SERPINB13: variants seen among roughly 807,000 people sequenced by gnomAD.
SERPINB13 encodes serpin B13.
Under a neutral mutation model 31.2 loss-of-function variants are expected in SERPINB13, and 26 were observed. The ratio of observed to expected loss-of-function variants is 0.83; its 90% CI spans 0.61 to 1.15. SERPINB13 has a LOEUF of 1.15. Among genes scored for constraint, SERPINB13 ranks in the 50% most tolerant of loss-of-function variants. The probability of loss-of-function intolerance (pLI) is 0.00; values close to 1 mark genes in which losing one functional copy is unlikely to be tolerated. For missense variants in SERPINB13, 510 were observed against 469.4 expected (o/e 1.09, Z -0.80); for synonymous variants, 191 against 172.4 (o/e 1.11, Z -0.85).
At chr18:63,591,727 A>G (rs1255200155) in intron 3 of SERPINB13, among the ~76,000 whole-genome samples, 1 of 151,974 alleles carries the variant, frequency 6.6e-6, no homozygotes, top group Non-Finnish European at 1.5e-5. Context: ...ATATATTAAT[A>G]TGTAATTAAT....
chr18:63,597,634 A>G lies in SERPINB13; in HGVS notation c.*271A>G, dbSNP rs2144417978. On this transcript the variant is annotated 3_prime_UTR_variant, in exon 8 of 8. Transcript: ENST00000344731. ...TGGTTTCCTTTGAAAGTAAATTGGT[A>G]TCTTGTAGTTTTGTGCACACGAAAG... The G allele has an allele frequency of 2.7e-6, 1 of 371,590 alleles. No homozygotes were observed. The highest frequency in any genetic ancestry group is 4.9e-6 in the Non-Finnish European group (1 of 204,588). The allele number at this position is 371,590 out of a possible 1,614,324, so 23.0% of individuals were successfully genotyped here. A position where few individuals can be genotyped will look rare whatever the true frequency, so the allele number is the denominator to read the frequency against.
chr18:63,594,636 C>T (rs957671700), intron 6 of SERPINB13, 139 bp downstream of exon 6: 27 of 863,508 alleles, frequency 3.1e-5, no homozygotes, highest in Admixed American at 5.2e-5. Flanking sequence ...ATCAAGGGAT[C>T]GAGACTATCC....
chr18:63,591,681 AT>A (rs1426082783), intron 3 of SERPINB13, among the ~76,000 whole-genome samples: 1 of 151,946 alleles, frequency 6.6e-6, no homozygotes, highest in East Asian at 1.9e-4. Flanking sequence ...CAAAATATTA[AT>A]TTTCATGTAT....
rs754016135 is a variant in SERPINB13, at chr18:63,587,402, T to A, written c.-66T>A. The A allele has an allele frequency of 2.1e-6, 1 of 470,940 alleles. No homozygotes were observed. Among genetic ancestry groups the A allele is most frequent in the Non-Finnish European group, 4.4e-6 (1 of 226,958 alleles). 29.2% of individuals were successfully genotyped at this position (470,940 alleles called of 1,614,324 possible). A position where few individuals can be genotyped will look rare whatever the true frequency, so the allele number is the denominator to read the frequency against. On this transcript the variant is annotated 5_prime_UTR_variant, in exon 1 of 8. An upstream start codon of the reference 5' UTR is lost. Transcript: ENST00000344731. Reference sequence around the variant, plus strand: ...GGATCCCAGCTACTTAATTGACTTATGCTTCCTAGTTCGTTGCCCAGCCAC... The same window carrying A: ...GGATCCCAGCTACTTAATTGACTTAAGCTTCCTAGTTCGTTGCCCAGCCAC...
intron 4 of SERPINB13, among the ~76,000 whole-genome samples, 184 bp downstream of exon 4, chr18:63,592,660 C>T (rs1423937388): frequency 6.6e-6 from 1 of 152,148 alleles, no homozygotes; most frequent in Non-Finnish European, 1.5e-5. Context: ...GCAATCTGAA[C>T]CTGATTTTTG....
Position 63,598,671 on chromosome 18 carries a change from T to A in SERPINB13, c.*1308T>A, listed in dbSNP as rs1185103699. 6.6e-6 allele frequency: 1 copy of A among 152,172 alleles called. No homozygotes were observed. Among genetic ancestry groups the A allele is most frequent in the African/African-American group, 2.4e-5 (1 of 41,442 alleles). The allele number at this position is 152,172 out of a possible 1,614,324, so 9.4% of individuals were successfully genotyped here. A position where few individuals can be genotyped will look rare whatever the true frequency, so the allele number is the denominator to read the frequency against. ...TCTAGGTTCACCAGTTGAGGGACAT[T>A]TGGATTGTTCCCACTTCTTGGCTGT... On this transcript the variant is annotated 3_prime_UTR_variant, in exon 8 of 8. Transcript: ENST00000344731.
intron 7 of SERPINB13, among the ~76,000 whole-genome samples, chr18:63,595,640 CTGTA>C (rs1912119397): frequency 6.6e-6 from 1 of 152,160 alleles, no homozygotes; most frequent in Non-Finnish European, 1.5e-5. Context: ...TGGCTCACGC[CTGTA>C]ATCCCAGCAC....
At chr18:63,593,314 G>T (rs1911968114) in intron 5 of SERPINB13, among the ~76,000 whole-genome samples, 1 of 152,130 alleles carries the variant, frequency 6.6e-6, no homozygotes, top group African/African-American at 2.4e-5. Flanking sequence ...ATATCTTGGG[G>T]GTCCTGAAAA....
At chr18:63,590,332 T>C (rs1911780307) in intron 3 of SERPINB13, among the ~76,000 whole-genome samples, 1 of 152,128 alleles carries the variant, frequency 6.6e-6, no homozygotes, top group South Asian at 2.1e-4. Flanking sequence ...AATAAGCCCA[T>C]TAGGTCGGGG....
Position 63,597,501 on chromosome 18 carries a change from A to G in SERPINB13, c.*138A>G, listed in dbSNP as rs886948090. The G allele has an allele frequency of 3.4e-6, 3 of 878,286 alleles. No homozygotes were observed. The highest frequency in any genetic ancestry group is 3.4e-5 in the African/African-American group (2 of 59,338). 54.4% of individuals were successfully genotyped at this position (878,286 alleles called of 1,614,324 possible). On this transcript the variant is annotated 3_prime_UTR_variant, in exon 8 of 8. Transcript: ENST00000344731. ...TCTTGGCCATCAAATCAATGATTTA[A>G]TGACTCCAATAATGTGTGTGTTTAT...
rs1404062672 is a variant in SERPINB13, at chr18:63,592,410, C to G, written c.288C>G (p.Leu96=). The G allele has an allele frequency of 1.9e-6, 3 of 1,613,382 alleles. No individual in the cohort carries two copies. Among genetic ancestry groups the G allele is most frequent in the East Asian group, 4.5e-5 (2 of 44,844 alleles). Residue 96 remains leucine (L), a synonymous_variant, in exon 4 of 8, where the codon CTC becomes CTG. Coordinates refer to ENST00000344731, the MANE Select transcript of SERPINB13 (RefSeq NM_012397.4). ...AGTTTTTGACTGAAATAAGCAAACT[C>G]ACTAATGATTATGAACTGAACATAA... The part of the protein sequence containing the change: ...FQKFLTEISK[L]TNDYELNITN...
intron 5 of SERPINB13, among the ~76,000 whole-genome samples, chr18:63,593,450 C>A (rs1240926822): frequency 6.6e-6 from 1 of 152,156 alleles, no homozygotes; most frequent in Non-Finnish European, 1.5e-5. Flanking sequence ...CGTTCCCATC[C>A]ACAGCTGGGG....
At position 63,598,740 on chromosome 18, in the gene SERPINB13, T is replaced by A. The variant is rs1352571604; in HGVS notation, c.*1377T>A. On this transcript the variant is annotated 3_prime_UTR_variant, in exon 8 of 8. Coordinates refer to ENST00000344731, the MANE Select transcript of SERPINB13 (RefSeq NM_012397.4). ...GAACATGTAAATAAAGATCTTTGTG[T>A]TCACATATGTTTTCATTTCTGTTGG... 6.6e-6 allele frequency: 1 copy of A among 152,258 alleles called. No homozygotes were observed. The highest frequency in any genetic ancestry group is 1.5e-5 in the Non-Finnish European group (1 of 68,024). 9.4% of individuals were successfully genotyped at this position (152,258 alleles called of 1,614,324 possible). A position where few individuals can be genotyped will look rare whatever the true frequency, so the allele number is the denominator to read the frequency against.
intron 6 of SERPINB13, 27 bp downstream of exon 6, chr18:63,594,524 T>C: frequency 1.2e-6 from 2 of 1,610,792 alleles, no homozygotes; most frequent in East Asian, 2.2e-5. Context: ...ATTTTCGTGA[T>C]GTGCTTACAC....
At position 63,592,860 on chromosome 18, in the gene SERPINB13, T is replaced by C. The variant is rs2054872882; in HGVS notation, c.361T>C (p.Leu121=). The part of the protein sequence containing the change: ...EKTYLFLQKY[L]DYVEKYYHAS... ...TTCCTTGTTTCTCCTAAAGAAATAC[T>C]TAGATTATGTTGAAAAATATTATCA... The change falls in exon 5 of 8, where the codon TTA becomes CTA. Residue 121 remains leucine, a synonymous_variant. Transcript: ENST00000344731. 2 of 1,577,388 alleles carry C rather than the reference T, an allele frequency of 1.3e-6. No homozygotes were observed. Among genetic ancestry groups the C allele is most frequent in the Non-Finnish European group, 1.7e-6 (2 of 1,155,746 alleles).
intron 4 of SERPINB13, 96 bp from the exon 5 acceptor site, chr18:63,592,758 G>A (rs1911928850): frequency 2.4e-6 from 2 of 840,614 alleles, no homozygotes; most frequent in Non-Finnish European, 3.8e-6. Flanking sequence ...TACTGTATTA[G>A]TCATCCTAAT....
intron 4 of SERPINB13, 82 bp downstream of exon 4, chr18:63,592,558 T>A (rs1347309349): frequency 1.4e-6 from 2 of 1,396,460 alleles, no homozygotes; most frequent in Non-Finnish European, 2.0e-6. Context: ...GGTCCTGAAG[T>A]CGTGCTGCCT....
At chr18:63,596,397 A>G (rs1422309410) in intron 7 of SERPINB13, among the ~76,000 whole-genome samples, 1 of 152,252 alleles carries the variant, frequency 6.6e-6, no homozygotes, top group East Asian at 1.9e-4. Flanking sequence ...TATTAAATAC[A>G]CTGGAATGCC....
At chr18:63,588,488 G>T (rs1911641152) in intron 1 of SERPINB13, among the ~76,000 whole-genome samples, 163 bp from the exon 2 acceptor site, 1 of 152,190 alleles carries the variant, frequency 6.6e-6, no homozygotes, top group Non-Finnish European at 1.5e-5. Context: ...GCAAGAGAAG[G>T]CCAAGAGAGG....
Sources: allele counts gnomAD v4.1 joint callset (sites outside exome capture counted in the v4.1 genomes callset), GRCh38; gene constraint gnomAD v4.1.1; transcripts MANE v1.5; gene names NCBI Gene and HGNC (gene_info 2026-07-23, HGNC 2026-07-21).